The following CENPC variants were observed in gnomAD, a reference collection of about 807,000 sequenced individuals.
CENPC encodes centromere protein C.
CENPC carries 63 observed loss-of-function variants against 112.1 expected under a neutral mutation model. The ratio of observed to expected loss-of-function variants is 0.56; its 90% confidence interval spans 0.46 to 0.69. The LOEUF is 0.69. Among genes scored for constraint, CENPC ranks in the 30% least tolerant of loss-of-function variants. The pLI is 0.00. For missense variants in CENPC, 1,000 were observed against 1,103.8 expected (o/e 0.91, Z 1.33); for synonymous variants, 333 against 367.6 (o/e 0.91, Z 1.08).
In CENPC at chr4:67,469,787, A is replaced by G. The variant is rs2109751788; in HGVS notation, c.*2818T>C. On this transcript the variant is annotated 3_prime_UTR_variant, in exon 19 of 19. Transcript: ENST00000273853. ...GCACTCTCCAAAACTGGACACAGAG[A>G]GTTAAGCTCAAAAAGAACAGTGGTC... The G allele has an allele frequency of 6.6e-6, 1 of 152,346 alleles. No individual in the cohort carries two copies. Among genetic ancestry groups the G allele is most frequent in the South Asian group, 2.1e-4 (1 of 4,828 alleles). The allele number at this position is 152,346 out of a possible 1,614,324, so 9.4% of individuals were successfully genotyped here.
At chr4:67,529,608 G>A (rs1317167190) in intron 5 of CENPC, among the ~76,000 whole-genome samples, 2 of 152,126 alleles carry the variant, frequency 1.3e-5, no homozygotes, top group Admixed American at 1.3e-4. Flanking sequence ...TTACAGGCAT[G>A]AGCAACCACT....
chr4:67,520,615 C>G (rs909459698), intron 5 of CENPC, among the ~76,000 whole-genome samples: 1 of 152,162 alleles, frequency 6.6e-6, no homozygotes, highest in Non-Finnish European at 1.5e-5. Context: ...ACAGCACCAA[C>G]AGGAACTGAG....
rs777869444 is a variant in CENPC at position 67,544,139 on chromosome 4, C to A, written c.65+10G>T. On this transcript the variant is annotated intron_variant, in intron 2 of 18. Coordinates refer to ENST00000273853, the MANE Select transcript of CENPC (RefSeq NM_001812.4). The stretch of plus-strand genomic sequence containing the variant: ...AAAAATAATCTTAAAAGCTTAAGTA[C>A]GTAAATCACCTGGAAGGTCGACAAA... The A allele has an allele frequency of 4.9e-6, 7 of 1,429,788 alleles. No individual in the cohort carries two copies. In the Admixed American group the frequency reaches 8.6e-5, roughly 17 times the overall value. 88.6% of individuals were successfully genotyped at this position (1,429,788 alleles called of 1,614,324 possible).
chr4:67,492,986 T>C lies in CENPC; in HGVS notation c.2302A>G (p.Ile768Val). Residue 768 changes from isoleucine to valine, a missense_variant, in exon 15 of 19, where the codon ATT becomes GTT. By Grantham distance (29) the Ile-to-Val change is conservative. Coordinates refer to ENST00000273853, the MANE Select transcript of CENPC (RefSeq NM_001812.4). ...YQGRPSGGFVISGVLSPDTIS... is the reference protein window; with the variant it reads ...YQGRPSGGFVVSGVLSPDTIS... ...GTGTCTGGAGATAGTACTCCACTAA[T>C]CACGAATCCTCCTGAAATTTAACAA... The C allele has an allele frequency of 1.3e-6, 2 of 1,520,878 alleles. No homozygotes were observed. The highest frequency in any genetic ancestry group is 1.8e-6 in the Non-Finnish European group (2 of 1,138,792). 94.2% of individuals were successfully genotyped at this position (1,520,878 alleles called of 1,614,324 possible).
At chr4:67,529,729 C>T (rs976064638) in intron 5 of CENPC, among the ~76,000 whole-genome samples, 1 of 151,962 alleles carries the variant, frequency 6.6e-6, no homozygotes, top group Non-Finnish European at 1.5e-5. Context: ...AAATTAAATG[C>T]AATTCTAGTT....
intron 12 of CENPC, among the ~76,000 whole-genome samples, chr4:67,499,451 T>C (rs1398808913): frequency 6.6e-6 from 1 of 152,224 alleles, no homozygotes; most frequent in African/African-American, 2.4e-5. Flanking sequence ...CTCTTTTATG[T>C]TATGGAAACA....
chr4:67,545,491 T>C lies in CENPC; in HGVS notation c.-136A>G. 1.2e-6 allele frequency: 1 copy of C among 850,430 alleles called. No individual in the cohort carries two copies. The highest frequency in any genetic ancestry group is 1.6e-6 in the Non-Finnish European group (1 of 612,880). 52.7% of individuals were successfully genotyped at this position (850,430 alleles called of 1,614,324 possible). ...GCAATAACCTTAAGTCTCAGGCGAC[T>C]GCCGCGAGAGCTGCGATCCGGAAGG... On this transcript the variant is annotated 5_prime_UTR_variant, in exon 1 of 19. Transcript: ENST00000273853.
chr4:67,520,998 C>A (rs1419166024), intron 5 of CENPC, among the ~76,000 whole-genome samples: 1 of 151,092 alleles, frequency 6.6e-6, no homozygotes, highest in Non-Finnish European at 1.5e-5. Context: ...AGCGACAGAG[C>A]AAGACTCTGT....
At position 67,471,382 on chromosome 4, in the gene CENPC, A is replaced by G. The variant is rs970875934; in HGVS notation, c.*1223T>C. 3 of 152,228 alleles carry G rather than the reference A, an allele frequency of 2.0e-5. No homozygotes were observed. The highest frequency in any genetic ancestry group is 1.9e-4 in the East Asian group (1 of 5,202). 9.4% of individuals were successfully genotyped at this position (152,228 alleles called of 1,614,324 possible). The stretch of plus-strand genomic sequence containing the variant: ...TGCTACCTAAAATGTCCAGCTGTCA[A>G]CCAAAAATTATTAGACATGTAAAAA... On this transcript the variant is annotated 3_prime_UTR_variant, in exon 19 of 19. Coordinates refer to ENST00000273853, the MANE Select transcript of CENPC (RefSeq NM_001812.4).
intron 7 of CENPC, 69 bp downstream of exon 7, chr4:67,518,087 G>A: frequency 1.2e-6 from 1 of 803,652 alleles, no homozygotes; most frequent in Non-Finnish European, 1.8e-6. Flanking sequence ...ATAGCATTAG[G>A]AATCCTTATA....
chr4:67,493,334 A>C (rs1364318843), intron 14 of CENPC: 1 of 173,686 alleles, frequency 5.8e-6, no homozygotes, highest in African/African-American at 2.4e-5. Context: ...TAGTCCTTTG[A>C]CTTAGATATA....
At chr4:67,476,649 C>G (rs143549863) in intron 17 of CENPC, among the ~76,000 whole-genome samples, 1 of 152,066 alleles carries the variant, frequency 6.6e-6, no homozygotes, top group Non-Finnish European at 1.5e-5. Flanking sequence ...TTTGATGAAG[C>G]GTGAATTTTC....
chr4:67,482,403 T>C (rs1439292552), intron 17 of CENPC, among the ~76,000 whole-genome samples: 1 of 152,218 alleles, frequency 6.6e-6, no homozygotes, highest in Non-Finnish European at 1.5e-5. Context: ...ACTGGGTACC[T>C]ACTCAGAAGA....
intron 9 of CENPC, chr4:67,511,079 A>G: frequency 4.4e-6 from 2 of 455,884 alleles, no homozygotes; most frequent in Non-Finnish European, 8.8e-6. Flanking sequence ...TTAACACTTC[A>G]ATACTAACAT....
At chr4:67,519,714 G>C (rs1726168133) in intron 5 of CENPC, among the ~76,000 whole-genome samples, 1 of 152,044 alleles carries the variant, frequency 6.6e-6, no homozygotes, top group East Asian at 1.9e-4. Flanking sequence ...AGGGCAGCTA[G>C]ATGATATATT....
intron 17 of CENPC, among the ~76,000 whole-genome samples, chr4:67,475,439 C>T (rs1000368394): frequency 4.6e-5 from 7 of 152,178 alleles, no homozygotes; most frequent in African/African-American, 1.7e-4. Flanking sequence ...ACAGTCTGAA[C>T]GAGACTGGAA....
intron 4 of CENPC, among the ~76,000 whole-genome samples, chr4:67,534,430 G>T (rs1488300657): frequency 6.6e-6 from 1 of 152,084 alleles, no homozygotes; most frequent in African/African-American, 2.4e-5. Flanking sequence ...TAGTAAAACC[G>T]AAGAGCCCCT....
intron 18 of CENPC, among the ~76,000 whole-genome samples, chr4:67,473,535 T>C (rs1256243907): frequency 6.6e-6 from 1 of 152,144 alleles, no homozygotes; most frequent in Non-Finnish European, 1.5e-5. Context: ...CAGCAATACA[T>C]GGACATAGTA....
At chr4:67,499,382 A>T (rs576717807) in intron 12 of CENPC, among the ~76,000 whole-genome samples, 1 of 152,356 alleles carries the variant, frequency 6.6e-6, no homozygotes, top group South Asian at 2.1e-4. Context: ...ACCTTCAATT[A>T]TCTCAGCTAG....
Sources: gnomAD v4.1 joint callset for allele counts (sites outside exome capture counted in the v4.1 genomes callset) on GRCh38, gnomAD v4.1.1 for gene constraint, MANE v1.5 for transcripts, NCBI Gene and HGNC (gene_info 2026-07-23, HGNC 2026-07-21) for gene names.